KLHDC4: variants seen among roughly 807,000 people sequenced by gnomAD.
KLHDC4 encodes the protein kelch domain containing 4, also known as kelch domain-containing protein 4.
In KLHDC4, 90 loss-of-function variants were observed where a neutral mutation model predicts 62.4. The observed-to-expected ratio is 1.44, with a 90% CI of 1.22 to 1.72. The LOEUF (loss-of-function observed/expected upper bound fraction) is 1.72, where lower values mean the gene tolerates loss of function less well. Among genes scored for constraint, KLHDC4 ranks in the 40% most tolerant of loss-of-function variants. KLHDC4 has a pLI of 0.00. For synonymous variants in KLHDC4, 386 were observed against 284.4 expected (o/e 1.36, Z -3.59); for missense variants, 1,025 against 699.7 (o/e 1.47, Z -5.25).
rs576684938 is a variant in KLHDC4 at position 87,708,028 on chromosome 16, G to C, written c.*49C>G. On this transcript the variant is annotated 3_prime_UTR_variant, in exon 12 of 12. Coordinates refer to ENST00000270583, the MANE Select transcript of KLHDC4 (RefSeq NM_017566.4). ...CTTCACTCAACACGGCTGGGTCCTG[G>C]GCGGACGTGGGCACAGCACTTGCCA... 59 of 508,448 alleles carry C rather than the reference G, an allele frequency of 1.2e-4. No homozygotes were observed. The highest frequency in any genetic ancestry group is 8.6e-4 in the South Asian group (56 of 65,012). 31.5% of individuals were successfully genotyped at this position (508,448 alleles called of 1,614,324 possible).
intron 5 of KLHDC4, among the ~76,000 whole-genome samples, chr16:87,736,765 C>T (rs1422703241): frequency 6.6e-6 from 1 of 152,140 alleles, no homozygotes; most frequent in Non-Finnish European, 1.5e-5. Flanking sequence ...AGGCACAGTC[C>T]TTTTATGTGC....
At chr16:87,704,601 G>T (rs891283791), downstream of KLHDC4, among the ~76,000 whole-genome samples, 4 of 151,634 alleles carry the variant, frequency 2.6e-5, no homozygotes, top group East Asian at 1.9e-4. Flanking sequence ...GGAGAAGGAG[G>T]CGCCTGGGGA....
In KLHDC4 at chr16:87,708,378, G is replaced by T. The variant is rs556357664; in HGVS notation, c.1536C>A (p.Ser512Arg). 1.2e-6 allele frequency: 2 copies of T among 1,609,544 alleles called. No individual in the cohort carries two copies. Among genetic ancestry groups the T allele is most frequent in the Non-Finnish European group, 8.5e-7 (1 of 1,178,684 alleles). Residue 512 changes from serine to arginine, a missense_variant, in exon 11 of 12, where the codon AGC becomes AGA. Physicochemically the swap from Ser to Arg is moderately radical, Grantham distance 110. Transcript: ENST00000270583. ...GAEGGVDDEDSGEESGAED is the reference protein window; with the variant it reads ...GAEGGVDDEDRGEESGAED The stretch of plus-strand genomic sequence containing the variant: ...AGTCCTCCGCACCGCTCTCCTCTCC[G>T]CTGTCTTCGTCGTCGACCCCACCCT...
At chr16:87,735,242 G>A (rs1322170589) in intron 5 of KLHDC4, among the ~76,000 whole-genome samples, 1 of 151,034 alleles carries the variant, frequency 6.6e-6, no homozygotes, top group Non-Finnish European at 1.5e-5. Flanking sequence ...GGAGCTTGCA[G>A]TGAGCAGAGA....
chr16:87,719,996 T>C (rs1299675345), intron 7 of KLHDC4, among the ~76,000 whole-genome samples: 2 of 152,066 alleles, frequency 1.3e-5, no homozygotes, highest in Non-Finnish European at 2.9e-5. Context: ...CCACATCCCC[T>C]GATGAGACCC....
At chr16:87,713,218 G>A (rs571248495) in intron 8 of KLHDC4, among the ~76,000 whole-genome samples, 83 of 151,144 alleles carry the variant, frequency 5.5e-4, no homozygotes, top group African/African-American at 2.0e-3. Context: ...TTGTTTTTTT[G>A]AGACAGAGTC....
Position 87,709,328 on chromosome 16 carries a change from C to A in KLHDC4, c.1384G>T (p.Asp462Tyr). 1 of 1,613,358 alleles carries A rather than the reference C, an allele frequency of 6.2e-7. No individual in the cohort carries two copies. Residue 462 changes from aspartate (D) to tyrosine (Y), a missense_variant, in exon 10 of 12, where the codon GAC (aspartate) becomes TAC (tyrosine). Asp to Tyr is a radical substitution (Grantham distance 160). Transcript: ENST00000270583. ...EAGDRQVTLS[D>Y]LHCLDLHRME... ...CTGTGCAGGTCCAGGCAGTGCAGGT[C>A]GCTGAGGGTGACCTGGCGGTCGCCG... is the stretch of plus-strand genomic sequence containing the variant.
intron 4 of KLHDC4, among the ~76,000 whole-genome samples, chr16:87,749,381 C>T (rs181459209): frequency 8.5e-4 from 129 of 151,962 alleles, no homozygotes; most frequent in Non-Finnish European, 1.7e-3. Flanking sequence ...TGGTGAAACC[C>T]CATCTCTACT....
intron 5 of KLHDC4, among the ~76,000 whole-genome samples, chr16:87,747,274 C>T (rs555578592): frequency 6.6e-6 from 1 of 152,310 alleles, no homozygotes; most frequent in African/African-American, 2.4e-5. Context: ...ACTCTCCTCA[C>T]CTGTCAATTG....
exon 1 of KLHDC4, chr16:87,701,748 C>T (rs540681225): frequency 1.5e-5 from 7 of 456,778 alleles, no homozygotes; most frequent in African/African-American, 1.4e-4. Flanking sequence ...ATGCCGCCCG[C>T]CCGTCCTCCC....
intron 5 of KLHDC4, among the ~76,000 whole-genome samples, chr16:87,734,941 C>T (rs1034601823): frequency 6.9e-6 from 1 of 145,408 alleles, no homozygotes; most frequent in African/African-American, 2.5e-5. Flanking sequence ...TTCCCGATGC[C>T]CCCTCCCACT....
intron 2 of KLHDC4, among the ~76,000 whole-genome samples, chr16:87,756,721 C>CA (rs35385743): frequency 0.074 from 7,293 of 98,790 alleles, 280 homozygotes; most frequent in East Asian, 0.21. Flanking sequence ...GTTGTATTAA[C>CA]AAAAAAAAAA....
chr16:87,737,619 G>A (rs1207486365), intron 5 of KLHDC4, among the ~76,000 whole-genome samples: 2 of 140,676 alleles, frequency 1.4e-5, no homozygotes, highest in African/African-American at 2.7e-5. Flanking sequence ...AGACAGTCTC[G>A]CTCTGTCACC....
At chr16:87,742,947 G>C (rs992374969) in intron 5 of KLHDC4, 1 of 152,218 alleles carries the variant, frequency 6.6e-6, no homozygotes, top group Non-Finnish European at 1.5e-5. Context: ...AAGTGACGAC[G>C]AGCACGGAGA....
At chr16:87,726,197 C>A (rs1410464960) in intron 7 of KLHDC4, among the ~76,000 whole-genome samples, 1 of 150,328 alleles carries the variant, frequency 6.7e-6, no homozygotes, top group Admixed American at 6.6e-5. Context: ...CCCGTCTCCC[C>A]ACCCCGCGCC....
rs530853681 is a variant in KLHDC4, at chr16:87,720,716, T to C, written c.759+6049A>G. On this transcript the variant is annotated intron_variant, in intron 7 of 11. Coordinates refer to ENST00000270583, the MANE Select transcript of KLHDC4 (RefSeq NM_017566.4). ...CAGAGCTGCTGCTAAAATGACACCC[T>C]GTCGGTTACGGTTAGCATCACTTCC... Among the ~76,000 whole-genome samples the C allele has an allele frequency of 1.2e-4, 19 of 152,356 alleles. No individual in the cohort carries two copies. The South Asian group carries it at 3.9e-3, about 32-fold the overall frequency.
At chr16:87,751,430 C>G (rs1465691667) in intron 4 of KLHDC4, among the ~76,000 whole-genome samples, 1 of 150,450 alleles carries the variant, frequency 6.6e-6, no homozygotes, top group Non-Finnish European at 1.5e-5. Flanking sequence ...GCTGAGGTCG[C>G]ACCACTGCAC....
chr16:87,740,615 A>G (rs1489873888), intron 5 of KLHDC4: 3 of 152,182 alleles, frequency 2.0e-5, no homozygotes, highest in Non-Finnish European at 2.9e-5. Context: ...CAAACACCAG[A>G]TGCTGGTGTT....
chr16:87,720,527 A>G (rs1009825200), intron 7 of KLHDC4, among the ~76,000 whole-genome samples: 2 of 152,174 alleles, frequency 1.3e-5, no homozygotes, highest in African/African-American at 4.8e-5. Context: ...ACAGGTGATG[A>G]GCCCCTGCGG....
Sources: gnomAD v4.1 joint callset for allele counts (sites outside exome capture counted in the v4.1 genomes callset) on GRCh38, gnomAD v4.1.1 for gene constraint, MANE v1.5 for transcripts, NCBI Gene and HGNC (gene_info 2026-07-23, HGNC 2026-07-21) for gene names.